Variants in PTPN14 observed in about 807,000 individuals in gnomAD.
The protein encoded by PTPN14 is tyrosine-protein phosphatase non-receptor type 14.
PTPN14 carries 53 observed loss-of-function variants against 126.8 expected under a neutral mutation model. The ratio of observed to expected loss-of-function variants is 0.42; its 90% CI spans 0.34 to 0.53. PTPN14 has a LOEUF of 0.53. PTPN14 is among the 20% of genes least tolerant of loss of function. The pLI, the probability that PTPN14 is intolerant of heterozygous loss-of-function variation, is 0.08. For missense variants in PTPN14, 1,257 were observed against 1,552.9 expected, an observed-to-expected ratio of 0.81 and a Z score of 3.20; for synonymous variants, 630 against 599.3, an observed-to-expected ratio of 1.05 and a Z score of -0.75.
intron 2 of PTPN14, among the ~76,000 whole-genome samples, chr1:214,463,403 A>C (rs562611350): frequency 1.9e-4 from 29 of 152,230 alleles, no homozygotes; most frequent in Non-Finnish European, 3.8e-4. Context: ...AGCTACTAAT[A>C]CATATATCCA....
At chr1:214,468,736 A>G (rs547726595) in intron 1 of PTPN14, among the ~76,000 whole-genome samples, 2 of 152,260 alleles carry the variant, frequency 1.3e-5, no homozygotes, top group South Asian at 4.1e-4. Context: ...TTCATAATCA[A>G]AAGTTAAAAA....
intron 3 of PTPN14, among the ~76,000 whole-genome samples, chr1:214,429,782 G>T (rs1447198261): frequency 2.6e-5 from 4 of 152,228 alleles, no homozygotes; most frequent in African/African-American, 7.2e-5. Flanking sequence ...TCATGCTAAG[G>T]ATCAATATAG....
At chr1:214,433,689 A>G (rs1659842967) in intron 3 of PTPN14, among the ~76,000 whole-genome samples, 1 of 152,030 alleles carries the variant, frequency 6.6e-6, no homozygotes, top group African/African-American at 2.4e-5. Context: ...TTCCCAGCAC[A>G]CAGCAGATAT....
intron 1 of PTPN14, among the ~76,000 whole-genome samples, chr1:214,536,879 G>A (rs529193217): frequency 9.9e-5 from 15 of 152,112 alleles, no homozygotes; most frequent in Middle Eastern, 3.4e-3. Flanking sequence ...TTACTTTTGC[G>A]CCAACCTATA....
chr1:214,474,733 A>G (rs61819632), intron 1 of PTPN14, among the ~76,000 whole-genome samples: 13,800 of 152,246 alleles, frequency 0.091, 644 homozygotes, highest in South Asian at 0.12. Context: ...AACTCTTGGA[A>G]TAAGGGGGTG....
At chr1:214,392,386 C>T (rs1004351468) in intron 10 of PTPN14, among the ~76,000 whole-genome samples, 20 of 152,016 alleles carry the variant, frequency 1.3e-4, no homozygotes. Context: ...CTGAAGGAAA[C>T]GACCACAAAA....
intron 1 of PTPN14, among the ~76,000 whole-genome samples, chr1:214,547,380 C>T (rs1032472693): frequency 6.6e-6 from 1 of 152,212 alleles, no homozygotes; most frequent in Non-Finnish European, 1.5e-5. Flanking sequence ...CAAGAACACA[C>T]GCTGCATACC....
chr1:214,532,467 G>T lies in PTPN14; in HGVS notation c.-155+18716C>A, dbSNP rs893181022. On this transcript the variant is annotated intron_variant, in intron 1 of 18. Transcript: ENST00000366956. Reference sequence around the variant, plus strand: ...GAAAGACCACCTGGCCTCCTACCTGGACAGACTGAGGAGCCTGGAGATCGA... The same window carrying T: ...GAAAGACCACCTGGCCTCCTACCTGTACAGACTGAGGAGCCTGGAGATCGA... The T allele has an allele frequency of 7.1e-6, 6 of 839,318 alleles. No homozygotes were observed. The Admixed American group carries it at 1.0e-4, about 14-fold the overall frequency. The allele number at this position is 839,318 out of a possible 1,614,324, so 52.0% of individuals were successfully genotyped here. A position where few individuals can be genotyped will look rare whatever the true frequency, so the allele number is the denominator to read the frequency against.
chr1:214,369,774 A>G, intron 16 of PTPN14, 83 bp from the exon 17 acceptor site: 2 of 1,248,004 alleles, frequency 1.6e-6, no homozygotes, highest in Middle Eastern at 2.4e-4. Flanking sequence ...AGACAGAAGA[A>G]AATGCAAATA....
At chr1:214,429,013 C>T (rs1022441815) in intron 3 of PTPN14, among the ~76,000 whole-genome samples, 15 of 152,160 alleles carry the variant, frequency 9.9e-5, no homozygotes, top group Non-Finnish European at 1.8e-4. Context: ...GAGCCACCAC[C>T]GACTTTACAT....
intron 1 of PTPN14, among the ~76,000 whole-genome samples, chr1:214,509,275 A>G (rs1346890941): frequency 1.3e-5 from 2 of 152,214 alleles, no homozygotes; most frequent in Admixed American, 6.5e-5. Flanking sequence ...GATCTTCTGG[A>G]TAACTTGCTG....
At chr1:214,451,060 T>C (rs112955334) in intron 3 of PTPN14, among the ~76,000 whole-genome samples, 4,262 of 152,344 alleles carry the variant, frequency 0.028, 81 homozygotes, top group Non-Finnish European at 0.04. Context: ...TAGTTACCTT[T>C]CCAATCTTCA....
intron 3 of PTPN14, among the ~76,000 whole-genome samples, chr1:214,432,366 A>G (rs1052245038): frequency 6.6e-6 from 1 of 152,212 alleles, no homozygotes; most frequent in Non-Finnish European, 1.5e-5. Flanking sequence ...AGTATTTAAG[A>G]TTTCTCAGCC....
At chr1:214,369,427 A>G in intron 17 of PTPN14, 30 bp downstream of exon 17, 6 of 1,578,526 alleles carry the variant, frequency 3.8e-6, no homozygotes, top group Non-Finnish European at 5.2e-6. Context: ...AAAGTCAGTC[A>G]GGTAGCAGAC....
chr1:214,418,602 A>G (rs1185436607), intron 3 of PTPN14, among the ~76,000 whole-genome samples: 1 of 152,202 alleles, frequency 6.6e-6, no homozygotes, highest in Non-Finnish European at 1.5e-5. Context: ...ATAAAACACC[A>G]CTACCCGGTG....
chr1:214,411,594 G>A, intron 5 of PTPN14, 90 bp downstream of exon 5: 1 of 945,132 alleles, frequency 1.1e-6, no homozygotes, highest in Admixed American at 2.8e-5. Flanking sequence ...CAGGGAATAT[G>A]CATATGTAAA....
intron 8 of PTPN14, among the ~76,000 whole-genome samples, chr1:214,397,510 T>C (rs921963491): frequency 6.6e-5 from 10 of 152,138 alleles, no homozygotes; most frequent in Admixed American, 2.0e-4. Flanking sequence ...AATAAATAGA[T>C]TGCTTTTTCA....
At chr1:214,500,060 GA>G (rs1269580540) in intron 1 of PTPN14, among the ~76,000 whole-genome samples, 1 of 151,516 alleles carries the variant, frequency 6.6e-6, no homozygotes, top group Admixed American at 6.6e-5. Context: ...ACAAATGTGG[GA>G]CATTTTCTCA....
chr1:214,383,705 GCCTCCTCCT>G lies in PTPN14; in HGVS notation c.2141_2149del (p.Glu714_Glu716del), dbSNP rs143136196. ...GGGGATCTGGGGCACCGATTCTGGA[GCCTCCTCCT>G]CCTCCTCCTCACTCTCGCTGCTGTG... is the stretch of plus-strand genomic sequence containing the variant. On this transcript the variant is annotated inframe_deletion, in exon 13 of 19. Coordinates refer to ENST00000366956, the MANE Select transcript of PTPN14 (RefSeq NM_005401.5). The surrounding 1 kb of genome is among the most constrained non-coding windows in gnomAD (Gnocchi z 4.4). 1.2e-6 allele frequency: 2 copies of G among 1,611,622 alleles called. No homozygotes were observed. Among genetic ancestry groups the G allele is most frequent in the Non-Finnish European group, 1.7e-6 (2 of 1,178,892 alleles).
Sources: allele counts gnomAD v4.1 joint callset (sites outside exome capture counted in the v4.1 genomes callset), GRCh38; gene constraint gnomAD v4.1.1; non-coding constraint Gnocchi (gnomAD v3.1); transcripts MANE v1.5; gene names NCBI Gene and HGNC (gene_info 2026-07-23, HGNC 2026-07-21).